ILRUN: variants seen among roughly 807,000 people sequenced by gnomAD.
The protein encoded by ILRUN is inflammation and lipid regulator with UBA-like and NBR1-like domains, also known as protein ILRUN.
A neutral mutation model predicts 33.8 loss-of-function variants in ILRUN; 3 were observed. The ratio of observed to expected loss-of-function variants is 0.09; its 90% confidence interval spans 0.04 to 0.23. The LOEUF (loss-of-function observed/expected upper bound fraction) is 0.23. ILRUN is among the 10% of genes least tolerant of loss of function. ILRUN has a pLI of 1.00. For synonymous variants in ILRUN, 124 were observed against 138.9 expected (o/e 0.89, Z 0.75); for missense variants, 210 against 375.1 (o/e 0.56, Z 3.64).
At chr6:34,683,463 CATATATATACACAT>C (rs1763432555) in intron 1 of ILRUN, among the ~76,000 whole-genome samples, 3 of 102,708 alleles carry the variant, frequency 2.9e-5, no homozygotes, top group Non-Finnish European at 5.5e-5. Flanking sequence ...CATATATATA[CATATATATACACAT>C]ATATATATAC....
intron 1 of ILRUN, among the ~76,000 whole-genome samples, chr6:34,684,631 GAA>G (rs1381761321): frequency 6.6e-6 from 1 of 152,142 alleles, no homozygotes; most frequent in Non-Finnish European, 1.5e-5. Flanking sequence ...TATAAAAAAG[GAA>G]AGAGTGGAGT....
intron 3 of ILRUN, among the ~76,000 whole-genome samples, chr6:34,625,703 T>C (rs913962925): frequency 6.6e-6 from 1 of 152,212 alleles, no homozygotes; most frequent in Non-Finnish European, 1.5e-5. Context: ...ATGAAGTACC[T>C]TCTCCCAATC....
At chr6:34,644,239 ATTTTT>A in intron 3 of ILRUN, among the ~76,000 whole-genome samples, 1 of 151,880 alleles carries the variant, frequency 6.6e-6, no homozygotes. Flanking sequence ...ATTTTTTTTT[ATTTTT>A]AAGTCATGTA....
At chr6:34,625,653 C>T (rs996775276) in intron 3 of ILRUN, among the ~76,000 whole-genome samples, 4 of 152,264 alleles carry the variant, frequency 2.6e-5, no homozygotes, top group Non-Finnish European at 5.9e-5. Flanking sequence ...TCATGCTTAA[C>T]CAGAGTTTAT....
rs1761270456 is a variant in ILRUN at position 34,590,309 on chromosome 6, A to G, written c.*256T>C. 1.5e-5 allele frequency: 5 copies of G among 326,830 alleles called. No homozygotes were observed. The highest frequency in any genetic ancestry group is 2.3e-5 in the Non-Finnish European group (4 of 176,182). The allele number at this position is 326,830 out of a possible 1,614,324, so 20.2% of individuals were successfully genotyped here. On this transcript the variant is annotated 3_prime_UTR_variant, in exon 5 of 5. Coordinates refer to ENST00000374023, the MANE Select transcript of ILRUN (RefSeq NM_024294.4). Reference sequence around the variant, plus strand: ...CTAATGACTTGTTAGACTGATGCCTATAACAAAACCCAAAGTGGCTGCATG... The same window carrying G: ...CTAATGACTTGTTAGACTGATGCCTGTAACAAAACCCAAAGTGGCTGCATG...
chr6:34,595,095 A>G (rs1010137378), intron 4 of ILRUN, among the ~76,000 whole-genome samples: 3 of 152,240 alleles, frequency 2.0e-5, no homozygotes, highest in African/African-American at 7.2e-5. Flanking sequence ...TCCTAAAAGG[A>G]AAATTTAAGA....
chr6:34,618,601 G>C (rs1761946754), intron 3 of ILRUN, among the ~76,000 whole-genome samples: 1 of 152,160 alleles, frequency 6.6e-6, no homozygotes, highest in Non-Finnish European at 1.5e-5. Flanking sequence ...CAGTTCCTCT[G>C]AAGTGCCTTC....
intron 1 of ILRUN, among the ~76,000 whole-genome samples, chr6:34,674,001 C>G (rs1302788627): frequency 6.6e-6 from 1 of 151,566 alleles, no homozygotes; most frequent in African/African-American, 2.4e-5. Flanking sequence ...GTGAGTGAAA[C>G]AAACAATTAC....
At chr6:34,671,342 C>T (rs1429323769) in intron 1 of ILRUN, among the ~76,000 whole-genome samples, 1 of 152,168 alleles carries the variant, frequency 6.6e-6, no homozygotes, top group Non-Finnish European at 1.5e-5. Flanking sequence ...GCCATGATCG[C>T]GCCGCTGCGC....
chr6:34,646,542 G>T lies in ILRUN; in HGVS notation c.511+59C>A. On this transcript the variant is annotated intron_variant, in intron 3 of 4. Coordinates refer to ENST00000374023, the MANE Select transcript of ILRUN (RefSeq NM_024294.4). The surrounding 1 kb of genome is among the most constrained non-coding windows in gnomAD (Gnocchi z 4.9). ...TGACAGGCTCTGTGAGCAACACTGG[G>T]GATGTTATAAGATGTTACCTTAGTT... is the stretch of plus-strand genomic sequence containing the variant. 1 of 1,537,064 alleles carries T rather than the reference G, an allele frequency of 6.5e-7. No homozygotes were observed. The highest frequency in any genetic ancestry group is 8.9e-7 in the Non-Finnish European group (1 of 1,118,044).
At chr6:34,673,311 G>C (rs1476758429) in intron 1 of ILRUN, among the ~76,000 whole-genome samples, 2 of 152,020 alleles carry the variant, frequency 1.3e-5, no homozygotes, top group Non-Finnish European at 2.9e-5. Context: ...TCCAGATCAG[G>C]GTAGGTCCAA....
chr6:34,626,093 G>T (rs967704794), intron 3 of ILRUN, among the ~76,000 whole-genome samples: 1 of 152,108 alleles, frequency 6.6e-6, no homozygotes. Context: ...CCCATGATCC[G>T]CCTGGGTCGG....
intron 4 of ILRUN, among the ~76,000 whole-genome samples, chr6:34,599,460 G>C (rs145821992): frequency 4.4e-4 from 67 of 152,210 alleles, no homozygotes; most frequent in African/African-American, 1.6e-3. Context: ...ACTGTGGGGA[G>C]GGAGGGCAGT....
intron 1 of ILRUN, among the ~76,000 whole-genome samples, chr6:34,659,389 C>T (rs898719686): frequency 2.0e-5 from 3 of 152,106 alleles, no homozygotes; most frequent in Non-Finnish European, 4.4e-5. Context: ...CTAGGCTAGG[C>T]AATTATTAGA....
chr6:34,591,217 G>A (rs1442191763), intron 4 of ILRUN, among the ~76,000 whole-genome samples: 1 of 152,196 alleles, frequency 6.6e-6, no homozygotes, highest in African/African-American at 2.4e-5. Context: ...TAGGCCAAGT[G>A]TGGTGGCTCA....
At chr6:34,598,450 T>C (rs998011524) in intron 4 of ILRUN, among the ~76,000 whole-genome samples, 1 of 152,220 alleles carries the variant, frequency 6.6e-6, no homozygotes, top group Non-Finnish European at 1.5e-5. Flanking sequence ...CTTTATCTGT[T>C]TGAACCTATA....
chr6:34,672,109 C>CT lies in ILRUN; in HGVS notation c.159-17331dup, dbSNP rs947552266. On this transcript the variant is annotated intron_variant, in intron 1 of 4. Transcript: ENST00000374023. Reference sequence around the variant, plus strand: ...TAGTCATGCCCATAGCTTCCACCCCCTTTTTTTTTTTGAGATGGAGTCTCG... The same window carrying CT: ...TAGTCATGCCCATAGCTTCCACCCCCTTTTTTTTTTTTGAGATGGAGTCTCG... Among the ~76,000 whole-genome samples the CT allele has an allele frequency of 8.0e-3, 1,178 of 146,742 alleles. 19 individuals are homozygous for CT. The highest frequency in any genetic ancestry group is 0.026 in the African/African-American group (1,046 of 40,322).
intron 1 of ILRUN, among the ~76,000 whole-genome samples, chr6:34,655,377 A>G (rs1397599281): frequency 6.6e-6 from 1 of 152,204 alleles, no homozygotes; most frequent in Non-Finnish European, 1.5e-5. Context: ...AACTGTTCAT[A>G]TTACTTTCTT....
intron 3 of ILRUN, among the ~76,000 whole-genome samples, chr6:34,613,985 T>G (rs184216898): frequency 6.6e-6 from 1 of 152,198 alleles, no homozygotes; most frequent in African/African-American, 2.4e-5. Context: ...AGAAAGAAAG[T>G]GGTCAAAGAA....
Sources: gnomAD v4.1 joint callset for allele counts (sites outside exome capture counted in the v4.1 genomes callset) on GRCh38, gnomAD v4.1.1 for gene constraint, Gnocchi (gnomAD v3.1) non-coding constraint, MANE v1.5 for transcripts, NCBI Gene and HGNC (gene_info 2026-07-23, HGNC 2026-07-21) for gene names.